The following FHL2 variants were observed in gnomAD, a reference collection of about 807,000 sequenced individuals.
FHL2 encodes four and a half LIM domains 2.
Under a neutral mutation model 32.7 loss-of-function variants are expected in FHL2, and 20 were observed. That is an observed-to-expected ratio of 0.61 (90% confidence interval 0.43 to 0.89). FHL2 has a LOEUF of 0.89. FHL2 is among the 40% of genes least tolerant of loss of function. The pLI, the probability that FHL2 is intolerant of heterozygous loss-of-function variation, is 0.00. For synonymous variants in FHL2, 123 were observed against 128.1 expected (o/e 0.96, Z 0.27); for missense variants, 311 against 358.6 (o/e 0.87, Z 1.07).
At chr2:105,387,879 G>A (rs1682436648) in intron 2 of FHL2, among the ~76,000 whole-genome samples, 1 of 152,174 alleles carries the variant, frequency 6.6e-6, no homozygotes, top group Non-Finnish European at 1.5e-5. Context: ...TGACAGATTG[G>A]ATAAAGAAAA....
chr2:105,363,465 T>C lies in FHL2; in HGVS notation c.508A>G (p.Thr170Ala). 1 of 1,607,472 alleles carries C rather than the reference T, an allele frequency of 6.2e-7. No homozygotes were observed. The highest frequency in any genetic ancestry group is 2.2e-5 in the East Asian group (1 of 44,694). Residue 170 changes from threonine (T) to alanine (A), a missense_variant, in exon 6 of 7, where the codon ACC becomes GCC. Physicochemically the swap from Thr to Ala is moderately conservative, Grantham distance 58 (BLOSUM62 0). Transcript: ENST00000530340. ...MQCVQCKKPI[T>A]TGGVTYREQP... ...TCCCGGTAAGTGACCCCTCCCGTGG[T>C]GATGGGCTGCAGGGACGAGGGGGAG...
chr2:105,394,528 G>A (rs550684766), intron 2 of FHL2, among the ~76,000 whole-genome samples: 15 of 151,584 alleles, frequency 9.9e-5, no homozygotes, highest in African/African-American at 3.4e-4. Flanking sequence ...AGCTATGATG[G>A]CACCTGTGAA....
chr2:105,386,059 A>G, intron 3 of FHL2: 2 of 433,194 alleles, frequency 4.6e-6, no homozygotes, highest in East Asian at 3.3e-5. Context: ...CCCTTAAGAA[A>G]GTTCCAGTAT....
intron 2 of FHL2, among the ~76,000 whole-genome samples, chr2:105,395,259 G>A (rs1268018434): frequency 6.6e-6 from 1 of 152,220 alleles, no homozygotes; most frequent in Non-Finnish European, 1.5e-5. Context: ...AATGGCGGGT[G>A]GCCTCGGGTC....
At chr2:105,411,175 C>T (rs1276226126) in intron 1 of FHL2, among the ~76,000 whole-genome samples, 1 of 152,160 alleles carries the variant, frequency 6.6e-6, no homozygotes, top group African/African-American at 2.4e-5. Flanking sequence ...TTTCTCATTT[C>T]AGTCAAAAAA....
At chr2:105,386,596 A>ACG in intron 2 of FHL2, 56 bp from the exon 3 acceptor site, 1 of 1,483,138 alleles carries the variant, frequency 6.7e-7, no homozygotes, top group South Asian at 1.2e-5. Context: ...AAAGGGGTGC[A>ACG]CGCAAAGGCA....
Position 105,399,046 on chromosome 2 carries a change from C to T in FHL2, c.-280G>A. 1 of 1,496,588 alleles carries T rather than the reference C, an allele frequency of 6.7e-7. No individual in the cohort carries two copies. Among genetic ancestry groups the T allele is most frequent in the Non-Finnish European group, 8.9e-7 (1 of 1,125,698 alleles). The allele number at this position is 1,496,588 out of a possible 1,614,324, so 92.7% of individuals were successfully genotyped here. ...CTGGTGGCTGCGGCTCCGCTGCCGG[C>T]CGAGTGGAGCGCTGCGCAGCTCCCG... On this transcript the variant is annotated 5_prime_UTR_variant, in exon 1 of 7. Transcript: ENST00000530340.
Position 105,370,875 on chromosome 2 carries a change from G to C in FHL2, c.331+2684C>G, listed in dbSNP as rs140319804. Among the ~76,000 whole-genome samples, 72 of 152,252 alleles carry C rather than the reference G, an allele frequency of 4.7e-4. No individual in the cohort carries two copies. In the East Asian group the frequency reaches 0.012, roughly 24 times the overall value. On this transcript the variant is annotated intron_variant, in intron 4 of 6. Transcript: ENST00000530340. Reference sequence around the variant, plus strand: ...CCCAGGGAACACCGAAGATTCAATGGGATTCTGTAAAGCAGCAGGGTCTGA... The same window carrying C: ...CCCAGGGAACACCGAAGATTCAATGCGATTCTGTAAAGCAGCAGGGTCTGA...
chr2:105,431,689 A>G (rs1684437075), intron 1 of FHL2, among the ~76,000 whole-genome samples: 1 of 152,218 alleles, frequency 6.6e-6, no homozygotes, highest in African/African-American at 2.4e-5. Context: ...TTGGGAAGCC[A>G]TTGGAACGTT....
chr2:105,382,440 C>T (rs1427666902), intron 3 of FHL2, among the ~76,000 whole-genome samples: 5 of 152,240 alleles, frequency 3.3e-5, no homozygotes, highest in African/African-American at 9.6e-5. Flanking sequence ...AATTGTACCT[C>T]GGATACTTCC....
upstream of FHL2, among the ~76,000 whole-genome samples, chr2:105,402,094 C>T (rs201363774): frequency 1.7e-5 from 2 of 117,632 alleles, no homozygotes; most frequent in Admixed American, 8.6e-5. Context: ...TGTATATATA[C>T]GTGTATATAT....
rs141263979 is a variant in FHL2 at position 105,421,924 on chromosome 2, G to C, written c.-25+16475C>G. 9.2e-5 allele frequency among the ~76,000 whole-genome samples: 14 copies of C among 152,312 alleles called. No individual in the cohort carries two copies. In the East Asian group the frequency reaches 2.5e-3, roughly 27 times the overall value. On this transcript the variant is annotated intron_variant, in intron 1 of 5. Transcript: ENST00000393352. ...AAAAGATGTTTCTATTACCCACCATGCTAGTTTTATATTAAGACCAGAGTT... is the reference window on the plus strand; with the variant it reads ...AAAAGATGTTTCTATTACCCACCATCCTAGTTTTATATTAAGACCAGAGTT...
At chr2:105,381,637 C>T (rs1681892861) in intron 3 of FHL2, among the ~76,000 whole-genome samples, 1 of 152,176 alleles carries the variant, frequency 6.6e-6, no homozygotes, top group Non-Finnish European at 1.5e-5. Flanking sequence ...GACAGCTTTG[C>T]TTCTGATCCT....
Position 105,367,741 on chromosome 2 carries a change from T to C in FHL2, c.332-2A>G. 1 of 1,613,010 alleles carries C rather than the reference T, an allele frequency of 6.2e-7. No individual in the cohort carries two copies. On this transcript the variant is annotated splice_acceptor_variant, in intron 4 of 6. Transcript: ENST00000530340. LOFTEE classifies it high-confidence loss of function. The stretch of plus-strand genomic sequence containing the variant: ...CCTTGTACTCCATCTTGCGGGTACC[T>C]GTCATCAGGGTCAAGAGGAACACAG...
In FHL2 at chr2:105,363,441, C is replaced by T. The variant is rs765888176; in HGVS notation, c.532G>A (p.Glu178Lys). The T allele has an allele frequency of 6.2e-7, 1 of 1,611,676 alleles. No homozygotes were observed. The highest frequency in any genetic ancestry group is 8.5e-7 in the Non-Finnish European group (1 of 1,178,948). ...PITTGGVTYREQPWHKECFVC... is the reference protein window; with the variant it reads ...PITTGGVTYRKQPWHKECFVC... ...AAGCACTCCTTGTGCCAGGGCTGCTCCCGGTAAGTGACCCCTCCCGTGGTG... is the reference window on the plus strand; with the variant it reads ...AAGCACTCCTTGTGCCAGGGCTGCTTCCGGTAAGTGACCCCTCCCGTGGTG... Residue 178 changes from glutamate to lysine, a missense_variant, in exon 6 of 7, where the codon GAG (glutamate) becomes AAG (lysine). Coordinates refer to ENST00000530340, the MANE Select transcript of FHL2 (RefSeq NM_001318895.3).
At chr2:105,361,566 C>G (rs1424300342) in intron 6 of FHL2, 132 bp from the exon 7 acceptor site, 14 of 730,772 alleles carry the variant, frequency 1.9e-5, no homozygotes, top group South Asian at 3.8e-5. Flanking sequence ...TTTCTAGTGA[C>G]TGGGTGTTGG....
At chr2:105,434,888 T>C (rs564405771) in intron 1 of FHL2, among the ~76,000 whole-genome samples, 45 of 152,178 alleles carry the variant, frequency 3.0e-4, no homozygotes, top group Non-Finnish European at 5.4e-4. Flanking sequence ...TTATTTTTAA[T>C]AGACTAAATC....
chr2:105,399,481 G>T (rs780305511), upstream of FHL2: 14 of 1,536,060 alleles, frequency 9.1e-6, no homozygotes, highest in South Asian at 1.7e-4. Context: ...ATATTTGCAA[G>T]GTGGACGTTT....
At chr2:105,422,498 A>G (rs1209605863) in intron 1 of FHL2, among the ~76,000 whole-genome samples, 1 of 152,106 alleles carries the variant, frequency 6.6e-6, no homozygotes, top group Non-Finnish European at 1.5e-5. Context: ...GGTTTAATTT[A>G]CTTTTTCATT....
Sources: allele counts gnomAD v4.1 joint callset (sites outside exome capture counted in the v4.1 genomes callset), GRCh38; gene constraint gnomAD v4.1.1; transcripts MANE v1.5; gene names NCBI Gene and HGNC (gene_info 2026-07-23, HGNC 2026-07-21).